The following TTC23 variants were observed in gnomAD, a reference collection of about 807,000 sequenced individuals.
The protein encoded by TTC23 is tetratricopeptide repeat domain 23, also known as tetratricopeptide repeat protein 23.
TTC23 carries 58 observed loss-of-function variants against 55.1 expected under a neutral mutation model. The ratio of observed to expected loss-of-function variants is 1.05; its 90% confidence interval spans 0.85 to 1.31. The LOEUF (loss-of-function observed/expected upper bound fraction) is 1.31. Among genes scored for constraint, TTC23 ranks in the 50% most tolerant of loss-of-function variants. The probability of loss-of-function intolerance (pLI) is 0.00; values close to 1 mark genes in which losing one functional copy is unlikely to be tolerated. For missense variants in TTC23, 516 were observed against 534.4 expected (o/e 0.97, Z 0.34); for synonymous variants, 203 against 199.9 (o/e 1.02, Z -0.13).
At chr15:99,167,701 G>C (rs1435827778) in intron 10 of TTC23, among the ~76,000 whole-genome samples, 1 of 152,312 alleles carries the variant, frequency 6.6e-6, no homozygotes, top group East Asian at 1.9e-4. Flanking sequence ...TGGAGGGGAG[G>C]TCAGGAGGCT....
chr15:99,145,571 G>T (rs1596223311), intron 12 of TTC23, among the ~76,000 whole-genome samples: 2 of 151,894 alleles, frequency 1.3e-5, no homozygotes, highest in African/African-American at 4.8e-5. Context: ...GGTGGGGATG[G>T]GGGGAGGTGG....
At chr15:99,168,958 T>C (rs1403066470) in intron 10 of TTC23, among the ~76,000 whole-genome samples, 2 of 152,148 alleles carry the variant, frequency 1.3e-5, no homozygotes, top group Admixed American at 1.3e-4. Flanking sequence ...GGCCTCTAAC[T>C]TGCTGAGTGA....
At position 99,163,730 on chromosome 15, in the gene TTC23, TC is replaced by T. The variant is rs536158229; in HGVS notation, c.866-1864del. 4.6e-3 allele frequency among the ~76,000 whole-genome samples: 699 copies of T among 152,288 alleles called. 4 individuals carry two copies. The Middle Eastern group carries it at 0.061, about 13-fold the overall frequency. On this transcript the variant is annotated intron_variant, in intron 10 of 13. Transcript: ENST00000394132. Reference sequence around the variant, plus strand: ...GGCACCCTCATGAATGGGATTAGTGTCCTTATAAAATACACCATCAGAGAGT... The same window carrying T: ...GGCACCCTCATGAATGGGATTAGTGTCTTATAAAATACACCATCAGAGAGT...
At chr15:99,249,729 G>C (rs4965461), upstream of TTC23, 3 of 152,116 alleles carry the variant, frequency 2.0e-5, no homozygotes, top group Non-Finnish European at 4.4e-5. Flanking sequence ...TTCTTAAAGT[G>C]GTATCGTTGC....
At chr15:99,228,851 A>C (rs186019747) in intron 4 of TTC23, 119 bp from the exon 5 acceptor site, 1 of 806,094 alleles carries the variant, frequency 1.2e-6, no homozygotes, top group East Asian at 2.8e-5. Flanking sequence ...ATATCCCAAA[A>C]GATTATGGTG....
In TTC23 at chr15:99,198,568, T is replaced by C. The variant is rs536139226; in HGVS notation, c.759+1351A>G. The stretch of plus-strand genomic sequence containing the variant: ...TCCCCAATCCATTCTCTACAAATCA[T>C]CCAGAACAATCTTTCTTAAGTATTG... On this transcript the variant is annotated intron_variant, in intron 9 of 13. Coordinates refer to ENST00000394132, the MANE Select transcript of TTC23 (RefSeq NM_001288615.3). Among the ~76,000 whole-genome samples the C allele has an allele frequency of 1.3e-5, 2 of 152,332 alleles. 1 individual carries two copies. Among genetic ancestry groups the C allele is most frequent in the South Asian group, 4.1e-4 (2 of 4,830 alleles).
intron 12 of TTC23, chr15:99,141,165 T>G (rs1452811847): frequency 6.6e-6 from 1 of 152,178 alleles, no homozygotes; most frequent in Non-Finnish European, 1.5e-5. Flanking sequence ...TGTAAAACAA[T>G]TTAGCAATAT....
chr15:99,140,428 G>A (rs1426886494), intron 12 of TTC23: 2 of 152,096 alleles, frequency 1.3e-5, no homozygotes, highest in Non-Finnish European at 2.9e-5. Flanking sequence ...GAGTGCAAGT[G>A]GGGTGATTTT....
intron 12 of TTC23, among the ~76,000 whole-genome samples, chr15:99,146,568 G>A (rs1441264977): frequency 6.6e-6 from 1 of 152,236 alleles, no homozygotes; most frequent in African/African-American, 2.4e-5. Context: ...AGGCCAGGAT[G>A]GTCTGTCCAG....
At position 99,173,811 on chromosome 15, in the gene TTC23, T is replaced by C. The variant is rs144935219; in HGVS notation, c.865+1239A>G. Among the ~76,000 whole-genome samples, 7 of 152,328 alleles carry C rather than the reference T, an allele frequency of 4.6e-5. 1 individual carries two copies. The highest frequency in any genetic ancestry group is 1.7e-4 in the African/African-American group (7 of 41,574). On this transcript the variant is annotated intron_variant, in intron 10 of 13. Transcript: ENST00000394132. The stretch of plus-strand genomic sequence containing the variant: ...ATCAGTTAGCTGCCATTTATAACTA[T>C]GCTTGCTGCTGCTGCTGGTTTCTGA...
At chr15:99,140,928 A>G (rs945408246) in intron 12 of TTC23, 1 of 152,340 alleles carries the variant, frequency 6.6e-6, no homozygotes, top group East Asian at 1.9e-4. Flanking sequence ...AAACCTCTCA[A>G]TAGAATAACA....
At chr15:99,161,937 CT>C in intron 10 of TTC23, 70 bp from the exon 11 acceptor site, 7 of 1,493,652 alleles carry the variant, frequency 4.7e-6, no homozygotes, top group Non-Finnish European at 6.3e-6. Flanking sequence ...AATAAATATA[CT>C]GTTAGCAGTG....
At chr15:99,221,705 G>T (rs756121504) in intron 6 of TTC23, 36 bp downstream of exon 6, 9 of 1,611,562 alleles carry the variant, frequency 5.6e-6, no homozygotes, top group Admixed American at 1.7e-5. Context: ...AGCAGAAATC[G>T]ACCAACTGAT....
At chr15:99,218,785 CCAT>C in intron 7 of TTC23, 72 bp from the exon 8 acceptor site, 1 of 1,604,328 alleles carries the variant, frequency 6.2e-7, no homozygotes, top group Non-Finnish European at 8.5e-7. Flanking sequence ...TCCTTGGCTC[CCAT>C]ACTTCCAATC....
chr15:99,207,364 A>G (rs190113680), intron 8 of TTC23, among the ~76,000 whole-genome samples: 129 of 152,352 alleles, frequency 8.5e-4, no homozygotes, highest in African/African-American at 2.9e-3. Flanking sequence ...AATAGCAAAT[A>G]AGCAAAACAT....
chr15:99,240,405 G>A (rs757574931), intron 3 of TTC23, among the ~76,000 whole-genome samples: 22 of 150,434 alleles, frequency 1.5e-4, no homozygotes, highest in Non-Finnish European at 1.2e-4. Context: ...ATTTTTTTTC[G>A]CCAGTTAAAA....
At chr15:99,239,040 G>C (rs924190835) in intron 3 of TTC23, among the ~76,000 whole-genome samples, 5 of 152,164 alleles carry the variant, frequency 3.3e-5, no homozygotes, top group African/African-American at 1.2e-4. Context: ...CAGGCTAAGA[G>C]TTTGATTGAC....
intron 8 of TTC23, among the ~76,000 whole-genome samples, chr15:99,205,020 A>G (rs974670035): frequency 1.3e-5 from 2 of 152,166 alleles, no homozygotes; most frequent in African/African-American, 2.4e-5. Context: ...GAATATGGAT[A>G]TCCAGTTTTC....
intron 12 of TTC23, among the ~76,000 whole-genome samples, chr15:99,149,098 T>A (rs1320265439): frequency 6.6e-6 from 1 of 152,160 alleles, no homozygotes; most frequent in Non-Finnish European, 1.5e-5. Context: ...GGTGCTTAGC[T>A]CTAGGAACTG....
Sources: allele counts gnomAD v4.1 joint callset (sites outside exome capture counted in the v4.1 genomes callset), GRCh38; gene constraint gnomAD v4.1.1; transcripts MANE v1.5; gene names NCBI Gene and HGNC (gene_info 2026-07-23, HGNC 2026-07-21).